The following RSPO4 variants were observed in gnomAD, a reference collection of about 807,000 sequenced individuals.
RSPO4 encodes R-spondin-4.
A neutral mutation model predicts 24.8 loss-of-function variants in RSPO4; 23 were observed. The observed-to-expected ratio is 0.93, with a 90% CI of 0.67 to 1.31. RSPO4 has a LOEUF of 1.31. Among genes scored for constraint, RSPO4 ranks in the 40% most tolerant of loss-of-function variants. The pLI is 0.00. For synonymous variants in RSPO4, 141 were observed against 127.4 expected, an observed-to-expected ratio of 1.11 and a Z score of -0.72; for missense variants, 333 against 316.5, an observed-to-expected ratio of 1.05 and a Z score of -0.39.
At position 1,002,030 on chromosome 20, in the gene RSPO4, C is replaced by T. The variant is rs1600104569; in HGVS notation, c.79+56G>A. ...AGAGCCGCCGCCCCCGGTCCTCCGG[C>T]CCCCGGTCTGCCCCGCAGCGCCTGC... On this transcript the variant is annotated intron_variant, in intron 1 of 4. Coordinates refer to ENST00000217260, the MANE Select transcript of RSPO4 (RefSeq NM_001029871.4). The surrounding 1 kb of genome is among the most constrained non-coding windows in gnomAD (Gnocchi z 4.6). 5.5e-6 allele frequency: 8 copies of T among 1,453,308 alleles called. No homozygotes were observed. Among genetic ancestry groups the T allele is most frequent in the Non-Finnish European group, 4.7e-6 (5 of 1,065,324 alleles). The allele number at this position is 1,453,308 out of a possible 1,614,324, so 90.0% of individuals were successfully genotyped here. A position where few individuals can be genotyped will look rare whatever the true frequency, so the allele number is the denominator to read the frequency against.
rs74315420 is a variant in RSPO4, at chr20:968,024, T to C, written c.194A>G (p.Gln65Arg). The change falls in exon 2 of 5, where the codon CAG becomes CGG. Residue 65 changes from glutamine (Q) to arginine (R), a missense_variant. By Grantham distance (43) the Gln-to-Arg change is conservative. Coordinates refer to ENST00000217260, the MANE Select transcript of RSPO4 (RefSeq NM_001029871.4). ...ACAGTCGTGCAGGCACTTGCCGTACTGGCGGATGCCTTCCCGGCGGATGAA... is the reference window on the plus strand; with the variant it reads ...ACAGTCGTGCAGGCACTTGCCGTACCGGCGGATGCCTTCCCGGCGGATGAA... Reference protein sequence around the residue: ...FLFIRREGIRQYGKCLHDCPP... With the variant: ...FLFIRREGIRRYGKCLHDCPP... 3.5e-5 allele frequency: 57 copies of C among 1,614,114 alleles called. No individual in the cohort carries two copies. Among genetic ancestry groups the C allele is most frequent in the Non-Finnish European group, 7.6e-6 (9 of 1,180,048 alleles).
chr20:961,620 G>A (rs112641118), intron 4 of RSPO4, among the ~76,000 whole-genome samples: 3,370 of 152,274 alleles, frequency 0.022, 61 homozygotes, highest in Admixed American at 0.032. Context: ...AGAGCTGACT[G>A]TGCAGGCCTC....
chr20:990,968 G>A (rs1985082058), intron 1 of RSPO4, among the ~76,000 whole-genome samples: 1 of 152,212 alleles, frequency 6.6e-6, no homozygotes. Context: ...GAGCATTGTC[G>A]CAACTGAGCG....
At chr20:961,909 C>T (rs1984011545) in intron 4 of RSPO4, among the ~76,000 whole-genome samples, 1 of 152,016 alleles carries the variant, frequency 6.6e-6, no homozygotes, top group Non-Finnish European at 1.5e-5. Flanking sequence ...TCCACCTGTT[C>T]ACCTATCTAC....
intron 1 of RSPO4, among the ~76,000 whole-genome samples, chr20:992,539 C>G (rs760138336): frequency 6.6e-6 from 1 of 152,176 alleles, no homozygotes; most frequent in African/African-American, 2.4e-5. Context: ...ACCTCTCCCC[C>G]CATGACGCAT....
intron 1 of RSPO4, among the ~76,000 whole-genome samples, chr20:983,281 TTGGGAATG>T (rs1316869751): frequency 1.3e-3 from 202 of 152,358 alleles, no homozygotes; most frequent in African/African-American, 4.8e-3. Context: ...TGGCAGAGAG[TTGGGAATG>T]CAGTTTCCTA....
intron 1 of RSPO4, among the ~76,000 whole-genome samples, chr20:988,784 C>A (rs963852440): frequency 4.6e-5 from 7 of 152,106 alleles, no homozygotes; most frequent in African/African-American, 1.4e-4. Context: ...CTCCTGACCT[C>A]AAGTGATCCA....
intron 1 of RSPO4, among the ~76,000 whole-genome samples, chr20:1,000,980 G>T (rs992325365): frequency 6.6e-6 from 1 of 152,172 alleles, no homozygotes; most frequent in Non-Finnish European, 1.5e-5. Flanking sequence ...AGGCCCCAGA[G>T]GGCAACCCAT....
At chr20:1,001,953 T>G in intron 1 of RSPO4, 133 bp downstream of exon 1, 1 of 705,422 alleles carries the variant, frequency 1.4e-6, no homozygotes. Context: ...AGGTTGAGAC[T>G]CGTCTGGAGG....
At chr20:971,227 C>A (rs1984396442) in intron 1 of RSPO4, among the ~76,000 whole-genome samples, 1 of 152,236 alleles carries the variant, frequency 6.6e-6, no homozygotes, top group Admixed American at 6.5e-5. Flanking sequence ...AACAGCAGCT[C>A]CTAGAGAGCT....
Position 967,287 on chromosome 20 carries a change from A to G in RSPO4, c.296T>C (p.Phe99Ser), listed in dbSNP as rs1455526904. The change falls in exon 3 of 5, where the codon TTC becomes TCC. Residue 99 changes from phenylalanine (F) to serine (S), a missense_variant. Coordinates refer to ENST00000217260, the MANE Select transcript of RSPO4 (RefSeq NM_001029871.4). ...GCACCGGATGCAGAAGTCCTGGCTG[A>G]AGCAGCTCTCACAAGTGGCCCCACA... ...KKCGATCESCFSQDFCIRCKR... is the reference protein window; with the variant it reads ...KKCGATCESCSSQDFCIRCKR... 1.2e-6 allele frequency: 2 copies of G among 1,614,234 alleles called. No individual in the cohort carries two copies. Among genetic ancestry groups the G allele is most frequent in the Non-Finnish European group, 1.7e-6 (2 of 1,180,038 alleles).
At chr20:1,001,990 C>T (rs1985481030) in intron 1 of RSPO4, 96 bp downstream of exon 1, 1 of 1,032,874 alleles carries the variant, frequency 9.7e-7, no homozygotes, top group Non-Finnish European at 1.4e-6. Context: ...CGCCAGGCAC[C>T]AGGCAGATGC....
chr20:971,850 G>C (rs1277183428), intron 1 of RSPO4, among the ~76,000 whole-genome samples: 1 of 152,180 alleles, frequency 6.6e-6, no homozygotes, highest in Non-Finnish European at 1.5e-5. Flanking sequence ...AGCCTCTACT[G>C]TGTCCTGGGG....
At chr20:986,604 C>T (rs1460980939) in intron 1 of RSPO4, among the ~76,000 whole-genome samples, 1 of 135,046 alleles carries the variant, frequency 7.4e-6, no homozygotes, top group Admixed American at 9.0e-5. Context: ...TTGAGATCTG[C>T]CCAAAGTTAT....
At position 994,005 on chromosome 20, in the gene RSPO4, T is replaced by C. The variant is rs78281788; in HGVS notation, c.79+8081A>G. Among the ~76,000 whole-genome samples, 1,270 of 152,214 alleles carry C rather than the reference T, an allele frequency of 8.3e-3. 12 individuals are homozygous for C. Among genetic ancestry groups the C allele is most frequent in the African/African-American group, 0.026 (1,088 of 41,494 alleles). On this transcript the variant is annotated intron_variant, in intron 1 of 4. Transcript: ENST00000217260. ...TGCCTCAGTTTTCTTGTCTGTAAAA[T>C]AGGAATGCTACTGCCCACTGCACAG... is the stretch of plus-strand genomic sequence containing the variant.
intron 1 of RSPO4, among the ~76,000 whole-genome samples, chr20:984,192 C>T (rs984539002): frequency 2.0e-5 from 3 of 151,940 alleles, no homozygotes; most frequent in South Asian, 2.1e-4. Flanking sequence ...AAAACACCTG[C>T]ACCAGGTGTG....
intron 1 of RSPO4, among the ~76,000 whole-genome samples, chr20:972,720 T>A (rs1347998881): frequency 6.6e-6 from 1 of 152,134 alleles, no homozygotes; most frequent in Admixed American, 6.5e-5. Flanking sequence ...GACGCACACA[T>A]TGACTGATGA....
intron 3 of RSPO4, among the ~76,000 whole-genome samples, chr20:965,160 C>T (rs1384898261): frequency 3.3e-5 from 5 of 151,802 alleles, no homozygotes; most frequent in Admixed American, 3.3e-4. Context: ...TGGACACCGC[C>T]GTGATGAGGG....
intron 1 of RSPO4, among the ~76,000 whole-genome samples, chr20:984,666 C>A (rs1287309043): frequency 6.6e-6 from 1 of 152,176 alleles, no homozygotes; most frequent in Admixed American, 6.5e-5. Context: ...TCTGGTCTCT[C>A]CCCATGGGCC....
Sources: allele counts gnomAD v4.1 joint callset (sites outside exome capture counted in the v4.1 genomes callset), GRCh38; gene constraint gnomAD v4.1.1; non-coding constraint Gnocchi (gnomAD v3.1); transcripts MANE v1.5; gene names NCBI Gene and HGNC (gene_info 2026-07-23, HGNC 2026-07-21).